PFKFB4: variants seen among roughly 807,000 people sequenced by gnomAD.
The protein encoded by PFKFB4 is 6-phosphofructo-2-kinase/fructose-2,6-biphosphatase 4.
Under a neutral mutation model 62.8 loss-of-function variants are expected in PFKFB4, and 42 were observed. That is an observed-to-expected ratio of 0.67 (90% CI 0.52 to 0.86). The LOEUF is 0.86. PFKFB4 is among the 40% of genes least tolerant of loss of function. PFKFB4 has a pLI of 0.00. For missense variants in PFKFB4, 475 were observed against 627.2 expected (o/e 0.76, Z 2.59); for synonymous variants, 204 against 240.7 (o/e 0.85, Z 1.41).
chr3:48,535,749 C>T (rs2042581364), intron 8 of PFKFB4, 91 bp from the exon 9 acceptor site: 1 of 1,445,822 alleles, frequency 6.9e-7, no homozygotes, highest in Admixed American at 1.8e-5. Flanking sequence ...ATCACCCTCG[C>T]CTTGAACACT....
chr3:48,555,590 C>A (rs2043288091), intron 1 of PFKFB4, among the ~76,000 whole-genome samples: 2 of 152,182 alleles, frequency 1.3e-5, no homozygotes, highest in African/African-American at 4.8e-5. Context: ...TAAAACAAAT[C>A]TTTCTTTTCC....
chr3:48,520,126 C>A (rs1442255110), intron 13 of PFKFB4, among the ~76,000 whole-genome samples: 1 of 152,142 alleles, frequency 6.6e-6, no homozygotes, highest in Non-Finnish European at 1.5e-5. Flanking sequence ...GAGGAGGAAC[C>A]CCTGGCTTGG....
chr3:48,536,210 G>A lies in PFKFB4; in HGVS notation c.840+46C>T, dbSNP rs2042604075. ...ACATGCATATACCCAGCCACGCAGGGTACAAATGCAGGCCCGTGTGCGCAC... is the reference window on the plus strand; with the variant it reads ...ACATGCATATACCCAGCCACGCAGGATACAAATGCAGGCCCGTGTGCGCAC... On this transcript the variant is annotated intron_variant, in intron 8 of 13. Coordinates refer to ENST00000232375, the MANE Select transcript of PFKFB4 (RefSeq NM_004567.4). The A allele has an allele frequency of 3.2e-6, 5 of 1,560,526 alleles. No individual in the cohort carries two copies. The South Asian group carries it at 4.5e-5, about 14-fold the overall frequency.
rs778431721 is a variant in PFKFB4 at position 48,539,717 on chromosome 3, C to T, written c.433G>A (p.Gly145Arg). Reference protein sequence around the residue: ...RERRATIFNFGEQNGYKTFFV... With the variant: ...RERRATIFNFREQNGYKTFFV... ...CTCACCTTGTAGCCATTCTGTTCTCCAAAATTAAAGATGGTCGCTCTCCGT... is the reference window on the plus strand; with the variant it reads ...CTCACCTTGTAGCCATTCTGTTCTCTAAAATTAAAGATGGTCGCTCTCCGT... The change falls in exon 5 of 14, where the codon GGA becomes AGA. Residue 145 changes from glycine to arginine, a missense_variant. Gly to Arg is a moderately radical substitution (Grantham distance 125). Coordinates refer to ENST00000232375, the MANE Select transcript of PFKFB4 (RefSeq NM_004567.4). 6.2e-7 allele frequency: 1 copy of T among 1,614,054 alleles called. No homozygotes were observed. Among genetic ancestry groups the T allele is most frequent in the Non-Finnish European group, 8.5e-7 (1 of 1,179,962 alleles).
intron 13 of PFKFB4, among the ~76,000 whole-genome samples, chr3:48,520,494 T>G (rs2042064015): frequency 1.3e-5 from 2 of 152,180 alleles, no homozygotes; most frequent in Non-Finnish European, 2.9e-5. Context: ...AACCATCACC[T>G]GCAGGAGCAG....
At chr3:48,522,121 T>A in intron 12 of PFKFB4, 71 bp from the exon 13 acceptor site, 3 of 1,383,354 alleles carry the variant, frequency 2.2e-6, no homozygotes, top group Non-Finnish European at 3.1e-6. Flanking sequence ...TAGAAACTTC[T>A]CTTGGAGGGG....
upstream of PFKFB4, chr3:48,559,898 CCACACACACACACACACACACA>C (rs34826551): frequency 3.9e-3 from 752 of 191,742 alleles, 7 homozygotes; most frequent in African/African-American, 0.019. Flanking sequence ...AACCATCCCA[CCACACACACACACACACACACA>C]CACACACACA....
chr3:48,520,669 C>A (rs902846439), intron 13 of PFKFB4, among the ~76,000 whole-genome samples: 3 of 152,352 alleles, frequency 2.0e-5, no homozygotes, highest in Non-Finnish European at 2.9e-5. Flanking sequence ...TGAGGCGCCC[C>A]TTTTCCACCA....
upstream of PFKFB4, among the ~76,000 whole-genome samples, chr3:48,558,369 A>G (rs2043381195): frequency 6.6e-6 from 1 of 152,184 alleles, no homozygotes; most frequent in South Asian, 2.1e-4. Context: ...CACCCCTGGC[A>G]GGTGCCCTGC....
chr3:48,562,563 T>A (rs557698397), upstream of PFKFB4: 410 of 566,158 alleles, frequency 7.2e-4, 4 homozygotes, highest in South Asian at 9.3e-3. This position sits in a 1 kb window ranked among gnomAD's most constrained non-coding sequence, Gnocchi z 4.3. Context: ...CAATGTCCAA[T>A]GTCCAGGCTG....
intron 1 of PFKFB4, among the ~76,000 whole-genome samples, chr3:48,555,466 G>A (rs1422230590): frequency 2.0e-5 from 3 of 152,158 alleles, no homozygotes; most frequent in Non-Finnish European, 4.4e-5. Flanking sequence ...AGGATCACAG[G>A]GAGACCCAGG....
intron 9 of PFKFB4, among the ~76,000 whole-genome samples, chr3:48,534,202 G>A (rs1346100466): frequency 6.6e-6 from 1 of 152,132 alleles, no homozygotes; most frequent in Non-Finnish European, 1.5e-5. Context: ...GAGAAGAAAT[G>A]AACAGAAGAA....
At chr3:48,555,588 A>G (rs2043287845) in intron 1 of PFKFB4, among the ~76,000 whole-genome samples, 1 of 152,202 alleles carries the variant, frequency 6.6e-6, no homozygotes, top group African/African-American at 2.4e-5. Context: ...CCTAAAACAA[A>G]TCTTTCTTTT....
intron 9 of PFKFB4, among the ~76,000 whole-genome samples, chr3:48,533,104 C>T (rs2042479012): frequency 6.6e-6 from 1 of 152,014 alleles, no homozygotes; most frequent in South Asian, 2.1e-4. Flanking sequence ...AAGGGCCAAT[C>T]GTGAATGAAA....
At chr3:48,562,754 T>G (rs1184245475), upstream of PFKFB4, 2 of 1,508,902 alleles carry the variant, frequency 1.3e-6, no homozygotes, top group East Asian at 4.9e-5. This position sits in a 1 kb window ranked among gnomAD's most constrained non-coding sequence, Gnocchi z 4.3. Flanking sequence ...CCATCCAGGG[T>G]GGCCCTATCA....
chr3:48,532,123 A>G (rs201066395), intron 9 of PFKFB4, among the ~76,000 whole-genome samples: 7 of 152,162 alleles, frequency 4.6e-5, no homozygotes, highest in Non-Finnish European at 5.9e-5. Context: ...TCTGGCCAAC[A>G]TGGTGAAACC....
chr3:48,534,755 T>C (rs1197578536), intron 9 of PFKFB4, among the ~76,000 whole-genome samples: 1 of 149,332 alleles, frequency 6.7e-6, no homozygotes, highest in African/African-American at 2.4e-5. Context: ...AGAGCAAAGA[T>C]GAGAATGACA....
At chr3:48,561,129 T>A (rs555677765), upstream of PFKFB4, 38 of 1,278,452 alleles carry the variant, frequency 3.0e-5, 1 homozygote, top group South Asian at 4.7e-4. The surrounding 1 kb of genome is among the most constrained non-coding windows in gnomAD (Gnocchi z 5.2). Flanking sequence ...GCAACCAAAC[T>A]GGCCAGGGCC....
rs374642155 is a variant in PFKFB4 at position 48,521,974 on chromosome 3, C to A, written c.1350+12G>T. 43 of 1,609,590 alleles carry A rather than the reference C, an allele frequency of 2.7e-5. No individual in the cohort carries two copies. The highest frequency in any genetic ancestry group is 1.1e-4 in the East Asian group (5 of 44,876). On this transcript the variant is annotated intron_variant, in intron 13 of 13. Transcript: ENST00000232375. This position sits in a 1 kb window ranked among gnomAD's most constrained non-coding sequence, Gnocchi z 5.3. ...GAACACCCCGCTACCCCAGCAGTGA[C>A]CCCATTGCTACCTGAGGCCTGTCCC...
Sources: gnomAD v4.1 joint callset for allele counts (sites outside exome capture counted in the v4.1 genomes callset) on GRCh38, gnomAD v4.1.1 for gene constraint, Gnocchi (gnomAD v3.1) non-coding constraint, MANE v1.5 for transcripts, NCBI Gene and HGNC (gene_info 2026-07-23, HGNC 2026-07-21) for gene names.